TCERG1L: variants seen among roughly 807,000 people sequenced by gnomAD.
TCERG1L encodes transcription elongation regulator 1-like protein.
Under a neutral mutation model 56.3 loss-of-function variants are expected in TCERG1L, and 37 were observed. The ratio of observed to expected loss-of-function variants is 0.66; its 90% CI spans 0.51 to 0.87. TCERG1L has a LOEUF of 0.87. Among genes scored for constraint, TCERG1L ranks in the 40% least tolerant of loss-of-function variants. The pLI is 0.00. For missense variants in TCERG1L, 799 were observed against 774.2 expected, an observed-to-expected ratio of 1.03 and a Z score of -0.38; for synonymous variants, 324 against 326.3, an observed-to-expected ratio of 0.99 and a Z score of 0.08.
chr10:131,159,417 C>G (rs1845954970), intron 6 of TCERG1L, among the ~76,000 whole-genome samples: 1 of 152,196 alleles, frequency 6.6e-6, no homozygotes, highest in African/African-American at 2.4e-5. Context: ...CTGAGACCCC[C>G]TGTGGTCTTC....
chr10:131,309,854 A>C (rs1846863635), intron 1 of TCERG1L, among the ~76,000 whole-genome samples: 2 of 150,328 alleles, frequency 1.3e-5, no homozygotes, highest in South Asian at 2.1e-4. Flanking sequence ...AAAAAAAAAA[A>C]AAAAACTAAG....
chr10:131,104,338 G>A lies in TCERG1L; in HGVS notation c.1412C>T (p.Thr471Ile). The change falls in exon 10 of 12, where the codon ACC becomes ATC. Residue 471 changes from threonine to isoleucine, a missense_variant. Thr to Ile is a moderately conservative substitution (Grantham distance 89). Coordinates refer to ENST00000368642, the MANE Select transcript of TCERG1L (RefSeq NM_174937.4). ...GATTTTGTGTAATTCTTTCTCCCAG[G>A]TAGAAAATGCTGATACCTAAAGAAA... ...LLERGVSAFS[T>I]WEKELHKIVF... 6.5e-7 allele frequency: 1 copy of A among 1,547,010 alleles called. No individual in the cohort carries two copies. The highest frequency in any genetic ancestry group is 1.2e-5 in the South Asian group (1 of 83,942).
At chr10:131,285,384 G>T (rs1589772271) in intron 3 of TCERG1L, among the ~76,000 whole-genome samples, 1 of 109,014 alleles carries the variant, frequency 9.2e-6, no homozygotes, top group South Asian at 2.9e-4. Flanking sequence ...AAAAAAAAAA[G>T]GAAAGAAAGA....
intron 4 of TCERG1L, among the ~76,000 whole-genome samples, chr10:131,243,151 A>G (rs949004624): frequency 6.6e-6 from 1 of 152,128 alleles, no homozygotes; most frequent in Non-Finnish European, 1.5e-5. Flanking sequence ...CTGCACGATA[A>G]TAACAATCGC....
intron 4 of TCERG1L, among the ~76,000 whole-genome samples, chr10:131,184,969 G>A (rs1436820474): frequency 6.6e-6 from 1 of 152,082 alleles, no homozygotes; most frequent in Non-Finnish European, 1.5e-5. Context: ...AGGTTAGCTG[G>A]GATTACTGTA....
rs1421096918 is a variant in TCERG1L, at chr10:131,260,625, T to G, written c.671-181A>C. Among the ~76,000 whole-genome samples, 7 of 152,140 alleles carry G rather than the reference T, an allele frequency of 4.6e-5. No homozygotes were observed. In the East Asian group the frequency reaches 1.4e-3, roughly 29 times the overall value. ...CAGAACAAATGCTTCTGATGAGTTC[T>G]CCATCAGTCAAACGCTGCCATGCAA... On this transcript the variant is annotated intron_variant, in intron 3 of 11. Transcript: ENST00000368642. The surrounding 1 kb of genome is among the most constrained non-coding windows in gnomAD (Gnocchi z 5.8).
At chr10:131,117,159 GC>G (rs1845468227) in intron 8 of TCERG1L, among the ~76,000 whole-genome samples, 2 of 152,162 alleles carry the variant, frequency 1.3e-5, no homozygotes, top group African/African-American at 4.8e-5. Flanking sequence ...TGAAGCCCCA[GC>G]CCCGGGCCCG....
chr10:131,145,990 C>T (rs1845790665), intron 7 of TCERG1L, among the ~76,000 whole-genome samples: 1 of 152,220 alleles, frequency 6.6e-6, no homozygotes, highest in South Asian at 2.1e-4. Context: ...AAACAACTGC[C>T]TCTGCCAAGC....
At chr10:131,221,838 G>A (rs552813902) in intron 4 of TCERG1L, among the ~76,000 whole-genome samples, 4 of 152,198 alleles carry the variant, frequency 2.6e-5, no homozygotes, top group Non-Finnish European at 5.9e-5. Flanking sequence ...CTGTCCCGCC[G>A]CTGCCTCCAC....
chr10:131,136,232 T>G (rs1845673992), intron 7 of TCERG1L, among the ~76,000 whole-genome samples: 1 of 152,204 alleles, frequency 6.6e-6, no homozygotes, highest in Non-Finnish European at 1.5e-5. Flanking sequence ...CTTCTGCGCG[T>G]GCTCCACAGC....
chr10:131,309,876 T>C (rs919151287), intron 1 of TCERG1L, among the ~76,000 whole-genome samples: 7 of 141,188 alleles, frequency 5.0e-5, no homozygotes, highest in Admixed American at 4.9e-4. Flanking sequence ...ATCTTCTAAG[T>C]TGAAGATCTC....
At position 131,118,632 on chromosome 10, in the gene TCERG1L, A is replaced by C. The variant is rs1589779612; in HGVS notation, c.1260-1698T>G. Among the ~76,000 whole-genome samples the C allele has an allele frequency of 1.3e-5, 2 of 151,170 alleles. No individual in the cohort carries two copies. Among genetic ancestry groups the C allele is most frequent in the Admixed American group, 6.6e-5 (1 of 15,138 alleles). On this transcript the variant is annotated intron_variant, in intron 8 of 11. Transcript: ENST00000368642. This position sits in a 1 kb window ranked among gnomAD's most constrained non-coding sequence, Gnocchi z 4.2. ...ATCTGCTGAGGTTGGTTCAGCCAAA[A>C]CCCCCCGATCCCTGAGGTCTGCTCT... is the stretch of plus-strand genomic sequence containing the variant.
intron 8 of TCERG1L, among the ~76,000 whole-genome samples, chr10:131,132,780 G>A (rs536500086): frequency 6.6e-6 from 1 of 152,324 alleles, no homozygotes; most frequent in Non-Finnish European, 1.5e-5. Context: ...GCCCCCAAAA[G>A]TGACTTTCTA....
At chr10:131,280,633 G>A in intron 3 of TCERG1L, among the ~76,000 whole-genome samples, 1 of 152,102 alleles carries the variant, frequency 6.6e-6, no homozygotes, top group East Asian at 1.9e-4. Context: ...GTAATTTGGG[G>A]GCCCCAAGAT....
chr10:131,216,810 G>A (rs564688350), intron 4 of TCERG1L, among the ~76,000 whole-genome samples: 70 of 152,304 alleles, frequency 4.6e-4, no homozygotes, highest in African/African-American at 1.6e-3. Context: ...CACAGGCATC[G>A]GAGCCCCCCA....
chr10:131,181,371 G>A (rs990096548), intron 4 of TCERG1L, among the ~76,000 whole-genome samples: 3 of 152,234 alleles, frequency 2.0e-5, no homozygotes, highest in Non-Finnish European at 2.9e-5. Context: ...GGAGGTCTGC[G>A]ATTGGGCGGG....
chr10:131,165,607 G>GA (rs1846022159), intron 5 of TCERG1L, among the ~76,000 whole-genome samples: 1 of 152,166 alleles, frequency 6.6e-6, no homozygotes, highest in Non-Finnish European at 1.5e-5. Context: ...AATCCAGTTA[G>GA]AAAAACTAGG....
chr10:131,261,089 C>G (rs1213155751), intron 3 of TCERG1L, among the ~76,000 whole-genome samples: 1 of 152,186 alleles, frequency 6.6e-6, no homozygotes, highest in African/African-American at 2.4e-5. Context: ...GACACCCACA[C>G]CCAGCTCAGC....
intron 4 of TCERG1L, among the ~76,000 whole-genome samples, chr10:131,205,134 G>C (rs1845503532): frequency 6.6e-6 from 1 of 152,116 alleles, no homozygotes; most frequent in Non-Finnish European, 1.5e-5. Flanking sequence ...TGGCTTTACT[G>C]CCGTTGTGAC....
Sources: gnomAD v4.1 joint callset for allele counts (sites outside exome capture counted in the v4.1 genomes callset) on GRCh38, gnomAD v4.1.1 for gene constraint, Gnocchi (gnomAD v3.1) non-coding constraint, MANE v1.5 for transcripts, NCBI Gene and HGNC (gene_info 2026-07-23, HGNC 2026-07-21) for gene names.